The following NAV1 variants were observed in gnomAD, a reference collection of about 807,000 sequenced individuals.
The protein encoded by NAV1 is neuron navigator 1.
In NAV1, 18 loss-of-function variants were observed where a neutral mutation model predicts 175.2. That is an observed-to-expected ratio of 0.10 (90% CI 0.07 to 0.15). The LOEUF (loss-of-function observed/expected upper bound fraction) is 0.15. NAV1 is among the 10% of genes least tolerant of loss of function. The pLI, the probability that NAV1 is intolerant of heterozygous loss-of-function variation, is 1.00. For missense variants in NAV1, 1,731 were observed against 2,436.6 expected (o/e 0.71, Z 6.10); for synonymous variants, 897 against 978.7 (o/e 0.92, Z 1.56).
intron 1 of NAV1, among the ~76,000 whole-genome samples, chr1:201,555,435 C>T (rs973089142): frequency 2.0e-5 from 3 of 152,310 alleles, no homozygotes; most frequent in East Asian, 1.9e-4. Flanking sequence ...AATCCCACAA[C>T]TCCTTGACTC....
intron 3 of NAV1, among the ~76,000 whole-genome samples, chr1:201,779,615 A>AG (rs1404755147): frequency 1.1e-4 from 17 of 150,764 alleles, no homozygotes; most frequent in African/African-American, 4.2e-4. Flanking sequence ...AAAAAAAAAA[A>AG]AAAAAAGAAC....
chr1:201,668,121 G>T (rs1295472228), intron 1 of NAV1, among the ~76,000 whole-genome samples: 1 of 152,134 alleles, frequency 6.6e-6, no homozygotes, highest in Admixed American at 6.5e-5. Context: ...AAATTAAGGT[G>T]GTGACAGCAG....
rs1676354134 is a variant in NAV1, at chr1:201,782,002, C to T, written c.1664-174C>T. Among the ~76,000 whole-genome samples, 1 of 152,162 alleles carries T rather than the reference C, an allele frequency of 6.6e-6. No homozygotes were observed. The highest frequency in any genetic ancestry group is 1.5e-5 in the Non-Finnish European group (1 of 68,036). On this transcript the variant is annotated intron_variant, in intron 5 of 29. Transcript: ENST00000367296. The surrounding 1 kb of genome is among the most constrained non-coding windows in gnomAD (Gnocchi z 5.4). The stretch of plus-strand genomic sequence containing the variant: ...CCTCCCCACCCCTCCCAGCCAGAGT[C>T]TTTCAGACAAGAAACTTTATCAGCT...
intron 2 of NAV1, among the ~76,000 whole-genome samples, chr1:201,640,203 C>G (rs1668711693): frequency 6.6e-6 from 1 of 152,176 alleles, no homozygotes; most frequent in East Asian, 1.9e-4. Flanking sequence ...GGAAAAATCC[C>G]CAACCACTGA....
chr1:201,726,766 T>C (rs1304052394), intron 3 of NAV1, among the ~76,000 whole-genome samples: 3 of 152,222 alleles, frequency 2.0e-5, no homozygotes, highest in Non-Finnish European at 4.4e-5. Flanking sequence ...TAAGATTTCT[T>C]AAACTTGGAA....
intron 2 of NAV1, among the ~76,000 whole-genome samples, chr1:201,604,321 G>T (rs1392295138): frequency 6.6e-6 from 1 of 152,176 alleles, no homozygotes; most frequent in Non-Finnish European, 1.5e-5. Context: ...CTCCTAAAGT[G>T]CTGGGATTAC....
Position 201,810,431 on chromosome 1 carries a change from G to T in NAV1, c.4562-92G>T, listed in dbSNP as rs1678614753. On this transcript the variant is annotated intron_variant, in intron 23 of 29. Transcript: ENST00000367296. The surrounding 1 kb of genome is among the most constrained non-coding windows in gnomAD (Gnocchi z 6.0). ...CAAGTGGCTCTGAGTTTCTTCAGGG[G>T]GCTCCTAGATAAAGAAAGAAAAGCC... is the stretch of plus-strand genomic sequence containing the variant. The T allele has an allele frequency of 1.2e-5, 15 of 1,223,608 alleles. No homozygotes were observed. The East Asian group carries it at 3.6e-4, about 29-fold the overall frequency. The allele number at this position is 1,223,608 out of a possible 1,614,324, so 75.8% of individuals were successfully genotyped here. A position where few individuals can be genotyped will look rare whatever the true frequency, so the allele number is the denominator to read the frequency against.
chr1:201,549,095 CT>C (rs1234420629), intron 1 of NAV1, among the ~76,000 whole-genome samples: 3 of 140,488 alleles, frequency 2.1e-5, no homozygotes, highest in Non-Finnish European at 3.2e-5. Flanking sequence ...TTCTTTCTTT[CT>C]TTCTTTCTTT....
intron 13 of NAV1, 122 bp downstream of exon 17, chr1:201,790,888 G>A (rs1008015277): frequency 2.2e-5 from 19 of 852,746 alleles, no homozygotes; most frequent in East Asian, 7.7e-5. Flanking sequence ...AAGGGCATGC[G>A]TCTTCTTCAC....
At chr1:201,580,195 G>C (rs548550272) in intron 1 of NAV1, among the ~76,000 whole-genome samples, 3 of 152,326 alleles carry the variant, frequency 2.0e-5, no homozygotes, top group South Asian at 4.1e-4. Flanking sequence ...CCCACATTGG[G>C]TGAAGACAGA....
intron 1 of NAV1, among the ~76,000 whole-genome samples, chr1:201,560,972 C>T (rs773981086): frequency 8.5e-5 from 13 of 152,230 alleles, no homozygotes; most frequent in Admixed American, 6.5e-5. Flanking sequence ...TTTCCAGTGG[C>T]GTGCAGCAGT....
At chr1:201,592,234 C>T (rs1294625044) in intron 2 of NAV1, among the ~76,000 whole-genome samples, 1 of 152,206 alleles carries the variant, frequency 6.6e-6, no homozygotes, top group African/African-American at 2.4e-5. Context: ...CACACATCCA[C>T]CCATTTGCCA....
rs537499631 is a variant in NAV1 at position 201,735,624 on chromosome 1, A to G, written c.1226+16869A>G. ...ACCTGTGGCCAAACAAGGCCACTCT[A>G]TTATTAATCTTTCTTGCTGTTAATG... On this transcript the variant is annotated intron_variant, in intron 3 of 29. Coordinates refer to ENST00000367296, the Ensembl canonical transcript of NAV1. Among the ~76,000 whole-genome samples, 17 of 152,358 alleles carry G rather than the reference A, an allele frequency of 1.1e-4. No homozygotes were observed. In the South Asian group the frequency reaches 3.5e-3, roughly 32 times the overall value.
Position 201,712,187 on chromosome 1 carries a change from C to A in NAV1, c.758-630C>A, listed in dbSNP as rs1005055582. On this transcript the variant is annotated intron_variant, in intron 1 of 29. Transcript: ENST00000367296. ...ATATCTGAACTAACTTCCTGGGACC[C>A]CATAGAGCAACCCCAGATATTACCA... is the stretch of plus-strand genomic sequence containing the variant. Among the ~76,000 whole-genome samples the A allele has an allele frequency of 3.3e-5, 5 of 152,288 alleles. No individual in the cohort carries two copies. The East Asian group carries it at 9.6e-4, about 29-fold the overall frequency.
intron 2 of NAV1, among the ~76,000 whole-genome samples, chr1:201,634,685 A>T (rs1668566124): frequency 2.0e-5 from 3 of 152,218 alleles, no homozygotes. Flanking sequence ...TTGGCTGGGA[A>T]GGGGATTTAT....
intron 3 of NAV1, among the ~76,000 whole-genome samples, chr1:201,728,514 T>C (rs952101984): frequency 2.1e-4 from 31 of 148,300 alleles, no homozygotes; most frequent in African/African-American, 5.8e-4. Flanking sequence ...GAATCACTTG[T>C]ACCCAGAATG....
At chr1:201,571,320 T>C (rs553047256) in intron 1 of NAV1, among the ~76,000 whole-genome samples, 1 of 152,386 alleles carries the variant, frequency 6.6e-6, no homozygotes, top group African/African-American at 2.4e-5. Flanking sequence ...GCAGGGTTCC[T>C]AGAACAGTGC....
chr1:201,734,540 C>T (rs1210749838), intron 3 of NAV1, among the ~76,000 whole-genome samples: 1 of 46,774 alleles, frequency 2.1e-5, no homozygotes, highest in Non-Finnish European at 5.5e-5. Flanking sequence ...AGATCATTTA[C>T]AGTACTTTCT....
chr1:201,670,586 A>ATGGTGG (rs1558053477), intron 1 of NAV1, among the ~76,000 whole-genome samples: 13 of 151,030 alleles, frequency 8.6e-5, no homozygotes, highest in East Asian at 3.9e-4. Flanking sequence ...TGGTTTGATG[A>ATGGTGG]TAGAGATGAT....
Sources: gnomAD v4.1 joint callset for allele counts (sites outside exome capture counted in the v4.1 genomes callset) on GRCh38, gnomAD v4.1.1 for gene constraint, Gnocchi (gnomAD v3.1) non-coding constraint, MANE v1.5 for transcripts, NCBI Gene and HGNC (gene_info 2026-07-23, HGNC 2026-07-21) for gene names.